Variants in ESRRB observed in about 807,000 individuals in gnomAD.
ESRRB encodes steroid hormone receptor ERR2.
ESRRB carries 16 observed loss-of-function variants against 46.0 expected under a neutral mutation model. The observed-to-expected ratio is 0.35, with a 90% CI of 0.24 to 0.53. The LOEUF (loss-of-function observed/expected upper bound fraction) is 0.53, where lower values mean the gene tolerates loss of function less well. ESRRB is among the 20% of genes least tolerant of loss of function. The pLI is 0.93. For missense variants in ESRRB, 488 were observed against 607.4 expected, an observed-to-expected ratio of 0.80 and a Z score of 2.07; for synonymous variants, 246 against 259.6, an observed-to-expected ratio of 0.95 and a Z score of 0.50.
intron 1 of ESRRB, among the ~76,000 whole-genome samples, chr14:76,362,961 G>A (rs1438722613): frequency 1.3e-5 from 2 of 152,142 alleles, no homozygotes; most frequent in Non-Finnish European, 2.9e-5. Context: ...AAACATTTCT[G>A]TTTGTGGGTG....
chr14:76,469,944 CTTTTTTTTTTTTTTTT>C (rs1178018542), intron 3 of ESRRB, among the ~76,000 whole-genome samples: 2 of 73,074 alleles, frequency 2.7e-5, no homozygotes, highest in Non-Finnish European at 5.5e-5. Context: ...TTTTTTTTTT[CTTTTTTTTTTTTTTTT>C]TTTTTGAGAC....
intron 1 of ESRRB, among the ~76,000 whole-genome samples, chr14:76,388,509 G>A (rs1595070431): frequency 6.6e-6 from 1 of 152,014 alleles, no homozygotes; most frequent in East Asian, 1.9e-4. Flanking sequence ...TCTAACTCCT[G>A]CCTTCAGAAC....
chr14:76,482,544 C>T lies in ESRRB; in HGVS notation c.689-54C>T. ...TTCCTGACCCATCTGAGCCTCCACC[C>T]CGGCCCCTTTCCTCTTTTCCCAGCA... On this transcript the variant is annotated intron_variant, in intron 4 of 6. Coordinates refer to ENST00000644823, the MANE Select transcript of ESRRB (RefSeq NM_001379180.1). The surrounding 1 kb of genome is among the most constrained non-coding windows in gnomAD (Gnocchi z 4.3). 1 of 1,607,484 alleles carries T rather than the reference C, an allele frequency of 6.2e-7. No homozygotes were observed. The highest frequency in any genetic ancestry group is 2.2e-5 in the East Asian group (1 of 44,834).
intron 2 of ESRRB, among the ~76,000 whole-genome samples, chr14:76,449,862 G>A (rs1345375948): frequency 4.0e-5 from 6 of 151,084 alleles, no homozygotes; most frequent in Non-Finnish European, 5.9e-5. Flanking sequence ...AAACTCCTGG[G>A]CTTCTGCCTC....
intron 1 of ESRRB, among the ~76,000 whole-genome samples, chr14:76,341,244 C>T (rs578035768): frequency 3.9e-4 from 59 of 152,374 alleles, no homozygotes; most frequent in South Asian, 1.2e-3. Flanking sequence ...TGCCCAGCCA[C>T]GTTGCCCAGA....
intron 2 of ESRRB, among the ~76,000 whole-genome samples, chr14:76,446,368 CGTT>C (rs1369733818): frequency 7.8e-6 from 1 of 127,630 alleles, no homozygotes; most frequent in Non-Finnish European, 1.6e-5. Flanking sequence ...TTCTGTTGTT[CGTT>C]TTTTTTTTTT....
intron 1 of ESRRB, among the ~76,000 whole-genome samples, chr14:76,386,013 T>C (rs1032676926): frequency 1.3e-5 from 2 of 152,206 alleles, no homozygotes; most frequent in African/African-American, 4.8e-5. Context: ...TTTGATGTTA[T>C]CTTTGGGGCA....
At chr14:76,489,143 T>C (rs1338352277) in intron 5 of ESRRB, among the ~76,000 whole-genome samples, 1 of 152,008 alleles carries the variant, frequency 6.6e-6, no homozygotes, top group East Asian at 1.9e-4. Context: ...CCTCATCCTC[T>C]CTCTCCACCA....
At chr14:76,454,503 G>C (rs1158477861) in intron 2 of ESRRB, among the ~76,000 whole-genome samples, 1 of 152,180 alleles carries the variant, frequency 6.6e-6, no homozygotes, top group Non-Finnish European at 1.5e-5. Context: ...CACCAAGGAG[G>C]CCATGTGAGA....
chr14:76,391,927 C>G (rs1885486124), intron 1 of ESRRB, among the ~76,000 whole-genome samples: 1 of 152,168 alleles, frequency 6.6e-6, no homozygotes, highest in Admixed American at 6.5e-5. Flanking sequence ...GCCTGAGGAA[C>G]CACCTTGCCA....
chr14:76,482,555 C>T lies in ESRRB; in HGVS notation c.689-43C>T. 1.9e-6 allele frequency: 3 copies of T among 1,610,822 alleles called. No individual in the cohort carries two copies. The highest frequency in any genetic ancestry group is 2.5e-6 in the Non-Finnish European group (3 of 1,177,918). ...TCTGAGCCTCCACCCCGGCCCCTTT[C>T]CTCTTTTCCCAGCATTTACCTTTCC... On this transcript the variant is annotated intron_variant, in intron 4 of 6. Coordinates refer to ENST00000644823, the MANE Select transcript of ESRRB (RefSeq NM_001379180.1). The surrounding 1 kb of genome is among the most constrained non-coding windows in gnomAD (Gnocchi z 4.3).
At chr14:76,310,841 C>A (rs1883720485) in exon 1 of ESRRB, 1 of 455,312 alleles carries the variant, frequency 2.2e-6, no homozygotes, top group Non-Finnish European at 4.4e-6. Context: ...AACGAGTTAT[C>A]AGCAACTGAA....
intron 1 of ESRRB, among the ~76,000 whole-genome samples, chr14:76,419,124 C>T (rs1886834324): frequency 6.6e-6 from 1 of 152,024 alleles, no homozygotes; most frequent in Non-Finnish European, 1.5e-5. Flanking sequence ...AAACGATTCT[C>T]CTGTGTCAGC....
upstream of ESRRB, among the ~76,000 whole-genome samples, chr14:76,366,907 T>C (rs1282371657): frequency 1.3e-5 from 2 of 152,152 alleles, no homozygotes; most frequent in Non-Finnish European, 2.9e-5. Context: ...GTACAGATAG[T>C]CATCCATCAA....
At chr14:76,450,114 AATG>A (rs1368881173) in intron 2 of ESRRB, among the ~76,000 whole-genome samples, 8 of 151,370 alleles carry the variant, frequency 5.3e-5, no homozygotes, top group Non-Finnish European at 1.5e-5. Context: ...GAGAAAAAAC[AATG>A]ATGAGACCAG....
At position 76,356,964 on chromosome 14, in the gene ESRRB, C is replaced by A. The variant is rs144368642; in HGVS notation, c.2+46048C>A. On this transcript the variant is annotated intron_variant, in intron 1 of 6. Coordinates refer to the ESRRB transcript ENST00000512784. The stretch of plus-strand genomic sequence containing the variant: ...GCCACTAGGAGCTCCTCTGAGGATC[C>A]TCAGGGAAGGTTGACTCTCTCCCTG... Among the ~76,000 whole-genome samples the A allele has an allele frequency of 2.4e-3, 359 of 152,332 alleles. 4 individuals carry two copies. The highest frequency in any genetic ancestry group is 2.4e-3 in the Non-Finnish European group (160 of 68,028).
At chr14:76,339,161 C>A (rs572347157) in intron 1 of ESRRB, among the ~76,000 whole-genome samples, 19 of 152,222 alleles carry the variant, frequency 1.2e-4, no homozygotes, top group African/African-American at 4.1e-4. Context: ...TATATCATAT[C>A]CAAGAATGGC....
chr14:76,482,466 G>A lies in ESRRB; in HGVS notation c.689-132G>A. 1 of 838,170 alleles carries A rather than the reference G, an allele frequency of 1.2e-6. No individual in the cohort carries two copies. The highest frequency in any genetic ancestry group is 2.1e-5 in the Admixed American group (1 of 48,396). The allele number at this position is 838,170 out of a possible 1,614,324, so 51.9% of individuals were successfully genotyped here. On this transcript the variant is annotated intron_variant, in intron 4 of 6. Coordinates refer to ENST00000644823, the MANE Select transcript of ESRRB (RefSeq NM_001379180.1). The surrounding 1 kb of genome is among the most constrained non-coding windows in gnomAD (Gnocchi z 4.3). The stretch of plus-strand genomic sequence containing the variant: ...CAACTTCATGGAGCCAGAACAGGAG[G>A]GGAGATTATAGCCGCTTTGACCTTC...
chr14:76,498,992 T>C lies in ESRRB; in HGVS notation c.*534T>C, dbSNP rs542467139. On this transcript the variant is annotated 3_prime_UTR_variant, in exon 7 of 7. Transcript: ENST00000644823. The stretch of plus-strand genomic sequence containing the variant: ...CTCTGGGGCCGGTCAAGAGGCCCCA[T>C]ACCTTCCACAGTTTCCACTCAGCTT... 5 of 386,020 alleles carry C rather than the reference T, an allele frequency of 1.3e-5. No homozygotes were observed. Among genetic ancestry groups the C allele is most frequent in the African/African-American group, 4.2e-5 (2 of 47,964 alleles). 23.9% of individuals were successfully genotyped at this position (386,020 alleles called of 1,614,324 possible).
Sources: allele counts gnomAD v4.1 joint callset (sites outside exome capture counted in the v4.1 genomes callset), GRCh38; gene constraint gnomAD v4.1.1; non-coding constraint Gnocchi (gnomAD v3.1); transcripts MANE v1.5; gene names NCBI Gene and HGNC (gene_info 2026-07-23, HGNC 2026-07-21).